The following CBR4 variants were observed in gnomAD, a reference collection of about 807,000 sequenced individuals.
The protein encoded by CBR4 is carbonyl reductase 4, also known as 3-oxoacyl-[acyl-carrier-protein] reductase.
CBR4 carries 22 observed loss-of-function variants against 21.0 expected under a neutral mutation model. The observed-to-expected ratio is 1.05, with a 90% confidence interval of 0.75 to 1.50. The LOEUF (loss-of-function observed/expected upper bound fraction) is 1.50. Among genes scored for constraint, CBR4 ranks in the 40% most tolerant of loss-of-function variants. The pLI is 0.00. For synonymous variants in CBR4, 100 were observed against 104.4 expected, an observed-to-expected ratio of 0.96 and a Z score of 0.26; for missense variants, 302 against 286.3, an observed-to-expected ratio of 1.05 and a Z score of -0.40.
At chr4:168,978,621 TC>T (rs1764446135) in intron 2 of CBR4, among the ~76,000 whole-genome samples, 4 of 152,120 alleles carry the variant, frequency 2.6e-5, no homozygotes, top group African/African-American at 9.7e-5. Flanking sequence ...CTGACCCCCT[TC>T]CCCTGTGGCC....
At chr4:168,940,465 C>T (rs1219838699) in intron 2 of CBR4, among the ~76,000 whole-genome samples, 1 of 152,132 alleles carries the variant, frequency 6.6e-6, no homozygotes, top group Non-Finnish European at 1.5e-5. Context: ...TAAATAGCTT[C>T]TGCACAGCAA....
intron 2 of CBR4, among the ~76,000 whole-genome samples, chr4:168,920,007 C>T (rs1330516764): frequency 6.6e-6 from 1 of 152,182 alleles, no homozygotes; most frequent in African/African-American, 2.4e-5. Flanking sequence ...TCCTACTAAA[C>T]ATACTGTGGC....
chr4:168,903,010 C>G (rs541054228), intron 2 of CBR4, among the ~76,000 whole-genome samples: 2 of 152,166 alleles, frequency 1.3e-5, no homozygotes, highest in Non-Finnish European at 2.9e-5. Context: ...CAATCCTCCT[C>G]AGCCTCCCAA....
At chr4:168,975,923 G>T (rs892008744) in intron 2 of CBR4, among the ~76,000 whole-genome samples, 2 of 152,140 alleles carry the variant, frequency 1.3e-5, no homozygotes, top group African/African-American at 4.8e-5. Context: ...AGCAAGACCA[G>T]TCTCACTCCC....
intron 2 of CBR4, among the ~76,000 whole-genome samples, chr4:168,979,749 C>A (rs1331796804): frequency 1.3e-5 from 2 of 152,196 alleles, no homozygotes; most frequent in Admixed American, 6.5e-5. Flanking sequence ...TGCCCCACCC[C>A]CAGCTGAATA....
chr4:168,900,047 G>A (rs192324649), intron 2 of CBR4, among the ~76,000 whole-genome samples: 109 of 152,302 alleles, frequency 7.2e-4, no homozygotes, highest in African/African-American at 2.5e-3. Context: ...AGGCGAAGGC[G>A]AAAAAGGTGA....
chr4:168,934,300 A>G (rs1763049479), intron 2 of CBR4, among the ~76,000 whole-genome samples: 1 of 146,218 alleles, frequency 6.8e-6, no homozygotes, highest in East Asian at 2.0e-4. Context: ...AAAAAAAAAA[A>G]AAAAGCAAGC....
At chr4:168,933,923 A>C (rs1300992609) in intron 2 of CBR4, among the ~76,000 whole-genome samples, 2 of 152,248 alleles carry the variant, frequency 1.3e-5, no homozygotes, top group Non-Finnish European at 2.9e-5. Flanking sequence ...CAATGGATGA[A>C]GGAAGAAATT....
In CBR4 at chr4:168,905,138, GTTTTTTTTTTTTT is replaced by G. The variant is rs777740588; in HGVS notation, n.170-10386_170-10374del. Among the ~76,000 whole-genome samples the G allele has an allele frequency of 6.7e-4, 23 of 34,524 alleles. 2 individuals carry two copies. The highest frequency in any genetic ancestry group is 9.9e-4 in the Non-Finnish European group (14 of 14,186). 22.6% of individuals were successfully genotyped at this position (34,524 alleles called of 152,430 possible). On this transcript the variant is annotated intron_variant and non_coding_transcript_variant, in intron 2 of 3. Transcript: ENST00000509108. ...TGAGACTTTGTTTTTTGTTTTGTTGGTTTTTTTTTTTTTTTTTTTTTTTTTTTTTTGAGATGGA... is the reference window on the plus strand; with the variant it reads ...TGAGACTTTGTTTTTTGTTTTGTTGGTTTTTTTTTTTTTTTTTGAGATGGA...
At chr4:168,998,765 A>T (rs1252793151) in intron 4 of CBR4, among the ~76,000 whole-genome samples, 2 of 152,166 alleles carry the variant, frequency 1.3e-5, no homozygotes, top group East Asian at 3.8e-4. Context: ...TCACCAAGGT[A>T]TCTTGTTCTA....
rs538324367 is a variant in CBR4 at position 168,959,854 on chromosome 4, C to T, written n.169+42217G>A. 4.1e-5 allele frequency among the ~76,000 whole-genome samples: 6 copies of T among 146,886 alleles called. No individual in the cohort carries two copies. The South Asian group carries it at 6.6e-4, about 16-fold the overall frequency. On this transcript the variant is annotated intron_variant and non_coding_transcript_variant, in intron 2 of 3. Transcript: ENST00000509108. ...CTGGGATTACAGGCGTGAGCCACCACGCCCAGCCTCAATTTCTATTAAAAA... is the reference window on the plus strand; with the variant it reads ...CTGGGATTACAGGCGTGAGCCACCATGCCCAGCCTCAATTTCTATTAAAAA...
intron 2 of CBR4, among the ~76,000 whole-genome samples, chr4:168,952,888 T>C (rs1763581222): frequency 6.6e-6 from 1 of 152,224 alleles, no homozygotes; most frequent in Non-Finnish European, 1.5e-5. Context: ...TTTGTGCTGG[T>C]TGGCCTCCTG....
chr4:168,941,322 T>C (rs911445311), intron 2 of CBR4, among the ~76,000 whole-genome samples: 1 of 151,934 alleles, frequency 6.6e-6, no homozygotes, highest in African/African-American at 2.4e-5. Context: ...TAAAGTACAA[T>C]AAAAAAATTT....
At chr4:168,963,237 T>C (rs1044840668) in intron 2 of CBR4, among the ~76,000 whole-genome samples, 9 of 152,224 alleles carry the variant, frequency 5.9e-5, no homozygotes, top group African/African-American at 2.2e-4. Context: ...TTTATCCTGA[T>C]GTTATCATAG....
At chr4:169,003,457 T>G (rs72975285) in intron 3 of CBR4, among the ~76,000 whole-genome samples, 10,210 of 152,258 alleles carry the variant, frequency 0.067, 1,122 homozygotes, top group African/African-American at 0.23. Flanking sequence ...TTTCTCAAGA[T>G]GGAATCTCTT....
chr4:168,958,166 A>C (rs983955916), intron 2 of CBR4, among the ~76,000 whole-genome samples: 4 of 152,114 alleles, frequency 2.6e-5, no homozygotes, highest in Non-Finnish European at 2.9e-5. Flanking sequence ...CGGGAGGCTG[A>C]GACAGGAGAA....
intron 2 of CBR4, among the ~76,000 whole-genome samples, chr4:168,904,982 C>A (rs573906306): frequency 2.0e-5 from 3 of 151,716 alleles, no homozygotes; most frequent in Admixed American, 6.6e-5. Context: ...CAAAAATTAG[C>A]CAGGTGTGGT....
Position 168,988,482 on chromosome 4 carries a change from A to C in CBR4, c.*1668T>G. ...AACTCAAGACTGAATGGGCTGCCATAATGGGGAAGTACAGGTAGCCAAAGG... is the reference window on the plus strand; with the variant it reads ...AACTCAAGACTGAATGGGCTGCCATCATGGGGAAGTACAGGTAGCCAAAGG... On this transcript the variant is annotated 3_prime_UTR_variant, in exon 5 of 5. Coordinates refer to ENST00000306193, the MANE Select transcript of CBR4 (RefSeq NM_032783.5). 1.0e-6 allele frequency: 1 copy of C among 985,102 alleles called. No homozygotes were observed. The highest frequency in any genetic ancestry group is 1.2e-6 in the Non-Finnish European group (1 of 829,928). The allele number at this position is 985,102 out of a possible 1,614,324, so 61.0% of individuals were successfully genotyped here. A position where few individuals can be genotyped will look rare whatever the true frequency, so the allele number is the denominator to read the frequency against.
At chr4:168,993,829 G>C (rs1012696410) in intron 4 of CBR4, among the ~76,000 whole-genome samples, 3 of 152,050 alleles carry the variant, frequency 2.0e-5, no homozygotes, top group African/African-American at 7.2e-5. Context: ...CAAATCCCAG[G>C]CTCAACTTCT....
Sources: allele counts gnomAD v4.1 joint callset (sites outside exome capture counted in the v4.1 genomes callset), GRCh38; gene constraint gnomAD v4.1.1; transcripts MANE v1.5; gene names NCBI Gene and HGNC (gene_info 2026-07-23, HGNC 2026-07-21).